The following FAM107B variants were observed in gnomAD, a reference collection of about 807,000 sequenced individuals.
The protein encoded by FAM107B is protein FAM107B.
Under a neutral mutation model 31.5 loss-of-function variants are expected in FAM107B, and 21 were observed. The observed-to-expected ratio is 0.67, with a 90% CI of 0.47 to 0.96. FAM107B has a LOEUF of 0.96. Ranked by LOEUF, FAM107B falls within the 40% of genes least tolerant of loss-of-function variation. The probability of loss-of-function intolerance (pLI) is 0.00; values close to 1 mark genes in which losing one functional copy is unlikely to be tolerated. For synonymous variants in FAM107B, 157 were observed against 141.5 expected, an observed-to-expected ratio of 1.11 and a Z score of -0.78; for missense variants, 452 against 377.1, an observed-to-expected ratio of 1.20 and a Z score of -1.64.
chr10:14,769,913 G>A (rs964562052), intron 1 of FAM107B, among the ~76,000 whole-genome samples: 1 of 152,184 alleles, frequency 6.6e-6, no homozygotes, highest in Non-Finnish European at 1.5e-5. Flanking sequence ...AGAGAGGAGT[G>A]AAACAGCACC....
At chr10:14,638,795 T>A (rs1853562540) in intron 2 of FAM107B, among the ~76,000 whole-genome samples, 1 of 152,168 alleles carries the variant, frequency 6.6e-6, no homozygotes, top group South Asian at 2.1e-4. Context: ...CATGTCTAGA[T>A]GTTGCACTGT....
chr10:14,619,248 A>G lies in FAM107B; in HGVS notation c.469+48386T>C, dbSNP rs111564999. Reference sequence around the variant, plus strand: ...CCTAGGAAAATAAGGCAGTACGGTCAGTCGGTGTACATTTCACTTAATGGG... The same window carrying G: ...CCTAGGAAAATAAGGCAGTACGGTCGGTCGGTGTACATTTCACTTAATGGG... On this transcript the variant is annotated intron_variant, in intron 2 of 4. Transcript: ENST00000181796. 1.6e-3 allele frequency among the ~76,000 whole-genome samples: 248 copies of G among 152,334 alleles called. 5 individuals carry two copies. The highest frequency in any genetic ancestry group is 5.1e-3 in the African/African-American group (211 of 41,594).
At position 14,532,511 on chromosome 10, in the gene FAM107B, T is replaced by C. The variant is rs140974481; in HGVS notation, c.470-1996A>G. ...CATATATAATAAATTACACCAAACA[T>C]TCCTCAGACACTAGTTGCATTGCTC... is the stretch of plus-strand genomic sequence containing the variant. On this transcript the variant is annotated intron_variant, in intron 2 of 4. Coordinates refer to ENST00000181796, the MANE Select transcript of FAM107B (RefSeq NM_031453.4). 5.8e-4 allele frequency: 88 copies of C among 152,256 alleles called. 1 individual carries two copies. Among genetic ancestry groups the C allele is most frequent in the African/African-American group, 2.0e-3 (83 of 41,536 alleles). The allele number at this position is 152,256 out of a possible 1,614,324, so 9.4% of individuals were successfully genotyped here.
intron 2 of FAM107B, chr10:14,604,360 G>T (rs1354975385): frequency 3.5e-6 from 2 of 572,400 alleles, no homozygotes; most frequent in Non-Finnish European, 4.4e-6. Context: ...CTCCGGGGGC[G>T]GCGGCCCGGC....
In FAM107B at chr10:14,720,831, A is replaced by C. The variant is rs181170957; in HGVS notation, c.412-53140T>G. ...GAATATCTAATAATTTCAAAGGAACATATTTTTTTTTAATTTATTTTTTAT... is the reference window on the plus strand; with the variant it reads ...GAATATCTAATAATTTCAAAGGAACCTATTTTTTTTTAATTTATTTTTTAT... On this transcript the variant is annotated intron_variant, in intron 1 of 4. Coordinates refer to ENST00000181796, the MANE Select transcript of FAM107B (RefSeq NM_031453.4). Among the ~76,000 whole-genome samples, 248 of 152,054 alleles carry C rather than the reference A, an allele frequency of 1.6e-3. 1 individual carries two copies. The highest frequency in any genetic ancestry group is 5.8e-3 in the African/African-American group (239 of 41,492).
chr10:14,635,581 C>G (rs1481320270), intron 2 of FAM107B, among the ~76,000 whole-genome samples: 1 of 152,084 alleles, frequency 6.6e-6, no homozygotes, highest in Non-Finnish European at 1.5e-5. Context: ...TAGTTCTGCT[C>G]TAAGGAGAGG....
intron 1 of FAM107B, 92 bp downstream of exon 1, chr10:14,774,161 A>C: frequency 2.0e-6 from 3 of 1,483,508 alleles, no homozygotes; most frequent in Non-Finnish European, 1.8e-6. Flanking sequence ...CAGTAAGGTT[A>C]AATGAGTTTG....
intron 1 of FAM107B, among the ~76,000 whole-genome samples, chr10:14,771,702 A>C (rs1353671050): frequency 6.6e-6 from 1 of 152,220 alleles, no homozygotes; most frequent in Non-Finnish European, 1.5e-5. Context: ...ATTTTTGTAG[A>C]GATGAACCTT....
intron 1 of FAM107B, among the ~76,000 whole-genome samples, chr10:14,769,786 T>A (rs1303176341): frequency 2.6e-5 from 4 of 152,238 alleles, no homozygotes; most frequent in African/African-American, 9.6e-5. Context: ...AAGTACAAGC[T>A]AGATGGAACT....
At chr10:14,548,473 C>A (rs1400723499) in intron 2 of FAM107B, 10 of 985,634 alleles carry the variant, frequency 1.0e-5, no homozygotes, top group African/African-American at 1.7e-5. Flanking sequence ...CAGGGCTCCT[C>A]TGCAGTTCAC....
chr10:14,758,302 G>C (rs935626089), intron 1 of FAM107B, among the ~76,000 whole-genome samples: 3 of 152,178 alleles, frequency 2.0e-5, no homozygotes, highest in African/African-American at 7.2e-5. Context: ...GGAAGCTGTT[G>C]CATGATGCTG....
chr10:14,724,376 A>G (rs144634212), intron 1 of FAM107B, among the ~76,000 whole-genome samples: 3 of 152,326 alleles, frequency 2.0e-5, no homozygotes, highest in Middle Eastern at 3.4e-3. Context: ...TCTCCATTGA[A>G]CTTTGTTGGA....
chr10:14,712,455 G>A (rs964087960), intron 1 of FAM107B, among the ~76,000 whole-genome samples: 9 of 151,824 alleles, frequency 5.9e-5, no homozygotes, highest in African/African-American at 1.9e-4. Context: ...TTAGCCAGCT[G>A]TGGTGATGGG....
Position 14,530,202 on chromosome 10 carries a change from GAAT to G in FAM107B, c.653+127_653+129del, listed in dbSNP as rs1409988130. 5 of 1,014,160 alleles carry G rather than the reference GAAT, an allele frequency of 4.9e-6. No homozygotes were observed. In the East Asian group the frequency reaches 1.3e-4, roughly 27 times the overall value. 62.8% of individuals were successfully genotyped at this position (1,014,160 alleles called of 1,614,324 possible). A position where few individuals can be genotyped will look rare whatever the true frequency, so the allele number is the denominator to read the frequency against. On this transcript the variant is annotated intron_variant, in intron 3 of 4. Transcript: ENST00000181796. Reference sequence around the variant, plus strand: ...TAACCCGGTTCTAGGATGTGAGAAGGAATAAGAAAGCCTTAACAAAGTGCAAGA... The same window carrying G: ...TAACCCGGTTCTAGGATGTGAGAAGGAAGAAAGCCTTAACAAAGTGCAAGA...
intron 1 of FAM107B, among the ~76,000 whole-genome samples, chr10:14,703,692 A>G (rs1436186834): frequency 6.6e-6 from 1 of 152,322 alleles, no homozygotes; most frequent in African/African-American, 2.4e-5. Context: ...CAAGAATGAC[A>G]CTGACTCATT....
At chr10:14,604,112 GGA>G in intron 2 of FAM107B, 2 of 497,990 alleles carry the variant, frequency 4.0e-6, no homozygotes, top group Non-Finnish European at 2.6e-6. Context: ...CCGCGCACGG[GGA>G]CCCCCCACCC....
chr10:14,536,352 G>T (rs566288937), intron 2 of FAM107B, among the ~76,000 whole-genome samples: 1 of 152,320 alleles, frequency 6.6e-6, no homozygotes, highest in South Asian at 2.1e-4. Context: ...AAAGTTAAAA[G>T]TAATTCCAAG....
chr10:14,767,057 G>T (rs12781431), intron 1 of FAM107B, among the ~76,000 whole-genome samples: 2,109 of 13,162 alleles, frequency 0.16, 12 homozygotes, highest in Non-Finnish European at 0.2. Context: ...TATATATATA[G>T]AGAGAGAGAG....
At chr10:14,769,936 T>A (rs1248430125) in intron 1 of FAM107B, among the ~76,000 whole-genome samples, 1 of 152,320 alleles carries the variant, frequency 6.6e-6, no homozygotes, top group East Asian at 1.9e-4. Flanking sequence ...TCAACTTGGC[T>A]GGGTGCAGTG....
Sources: allele counts gnomAD v4.1 joint callset (sites outside exome capture counted in the v4.1 genomes callset), GRCh38; gene constraint gnomAD v4.1.1; transcripts MANE v1.5; gene names NCBI Gene and HGNC (gene_info 2026-07-23, HGNC 2026-07-21).